SLC12A8: variants seen among roughly 807,000 people sequenced by gnomAD.
SLC12A8 encodes the protein cation-chloride cotransporter 9.
A neutral mutation model predicts 75.6 loss-of-function variants in SLC12A8; 69 were observed. The ratio of observed to expected loss-of-function variants is 0.91; its 90% CI spans 0.75 to 1.11. SLC12A8 has a LOEUF of 1.11. Among genes scored for constraint, SLC12A8 ranks in the 50% most tolerant of loss-of-function variants. SLC12A8 has a pLI of 0.00. For synonymous variants in SLC12A8, 365 were observed against 372.8 expected, an observed-to-expected ratio of 0.98 and a Z score of 0.24; for missense variants, 877 against 896.7, an observed-to-expected ratio of 0.98 and a Z score of 0.28.
At position 125,177,920 on chromosome 3, in the gene SLC12A8, G is replaced by A; in HGVS notation, c.445C>T (p.Leu149=). The change falls in exon 5 of 14, where the codon CTG becomes TTG. Residue 149 remains leucine (L), a synonymous_variant. Transcript: ENST00000469902. ...TGFAESISDL[L]GLGNIWAVRG... Reference sequence around the variant, plus strand: ...ACAGCCCAGATATTCCCGAGGCCCAGCAAATCCGAGATGGATTCAGCAAAG... The same window carrying A: ...ACAGCCCAGATATTCCCGAGGCCCAACAAATCCGAGATGGATTCAGCAAAG... The A allele has an allele frequency of 1.9e-6, 3 of 1,614,038 alleles. No homozygotes were observed. Among genetic ancestry groups the A allele is most frequent in the Non-Finnish European group, 2.5e-6 (3 of 1,179,980 alleles).
intron 5 of SLC12A8, among the ~76,000 whole-genome samples, chr3:125,161,687 A>AC (rs1934178414): frequency 6.6e-6 from 1 of 151,946 alleles, no homozygotes; most frequent in African/African-American, 2.4e-5. Context: ...TCTCAAAAAA[A>AC]AAAAAAAAAA....
chr3:125,181,394 G>A (rs1299588991), intron 4 of SLC12A8, among the ~76,000 whole-genome samples: 4 of 150,620 alleles, frequency 2.7e-5, no homozygotes, highest in East Asian at 3.9e-4. Flanking sequence ...GAGGTCAGGA[G>A]ATCGAGACCA....
At chr3:125,185,501 C>T (rs921579426) in intron 4 of SLC12A8, among the ~76,000 whole-genome samples, 4 of 151,718 alleles carry the variant, frequency 2.6e-5, no homozygotes, top group Non-Finnish European at 5.9e-5. Flanking sequence ...CAAAAAAAAC[C>T]CAGGACCAGA....
intron 5 of SLC12A8, among the ~76,000 whole-genome samples, chr3:125,139,739 C>T (rs1196716728): frequency 1.3e-5 from 2 of 152,218 alleles, no homozygotes. Context: ...GGGTCACACC[C>T]AGGGTAGGGC....
At chr3:125,097,669 T>G (rs1938752114) in intron 10 of SLC12A8, among the ~76,000 whole-genome samples, 1 of 151,910 alleles carries the variant, frequency 6.6e-6, no homozygotes, top group African/African-American at 2.4e-5. Context: ...AAGGGAAAAT[T>G]TATGCAAAGA....
chr3:125,148,517 G>A (rs374841106), intron 5 of SLC12A8, among the ~76,000 whole-genome samples: 52 of 152,028 alleles, frequency 3.4e-4, no homozygotes, highest in Admixed American at 5.9e-4. Flanking sequence ...GGGGTGGGGG[G>A]CCCACGTGGG....
intron 13 of SLC12A8, among the ~76,000 whole-genome samples, 171 bp from the exon 14 acceptor site, chr3:125,084,223 G>T (rs1938402000): frequency 6.8e-6 from 1 of 147,680 alleles, no homozygotes; most frequent in African/African-American, 2.6e-5. Context: ...CAAAGCATGA[G>T]AAATACAAAG....
intron 3 of SLC12A8, among the ~76,000 whole-genome samples, chr3:125,189,475 C>T (rs1455153784): frequency 1.3e-5 from 2 of 152,230 alleles, no homozygotes; most frequent in African/African-American, 2.4e-5. Context: ...TCAGTGACTG[C>T]AGCACTCATA....
intron 5 of SLC12A8, among the ~76,000 whole-genome samples, chr3:125,148,638 C>G (rs1933844793): frequency 6.6e-6 from 1 of 152,170 alleles, no homozygotes; most frequent in African/African-American, 2.4e-5. Context: ...ACTCCCACCC[C>G]CAACCCTCGG....
chr3:125,106,299 G>A (rs1437014724), intron 10 of SLC12A8, among the ~76,000 whole-genome samples: 1 of 151,926 alleles, frequency 6.6e-6, no homozygotes. Context: ...AAATTTAGAG[G>A]CAAAGAAGGA....
chr3:125,094,870 G>C (rs1419543631), intron 10 of SLC12A8, among the ~76,000 whole-genome samples: 2 of 152,118 alleles, frequency 1.3e-5, no homozygotes, highest in Admixed American at 1.3e-4. Flanking sequence ...TCAACTCCTA[G>C]CCCTCATCCC....
chr3:125,191,551 T>C (rs1040007771), intron 2 of SLC12A8, among the ~76,000 whole-genome samples: 13 of 152,204 alleles, frequency 8.5e-5, no homozygotes. Flanking sequence ...AATCTGGACC[T>C]GGTGAGCAAA....
chr3:125,083,992 C>A lies in SLC12A8; in HGVS notation c.2043G>T (p.Met681Ile), dbSNP rs2107727111. 6.2e-7 allele frequency: 1 copy of A among 1,613,566 alleles called. No individual in the cohort carries two copies. The highest frequency in any genetic ancestry group is 1.1e-5 in the South Asian group (1 of 90,902). The change falls in exon 14 of 14, where the codon ATG (methionine) becomes ATT (isoleucine). Residue 681 changes from methionine (M) to isoleucine (I), a missense_variant. Physicochemically the swap from Met to Ile is conservative, Grantham distance 10. Transcript: ENST00000469902. Reference protein sequence around the residue: ...ILAPSLAKVDMEMTQLTQENA... With the variant: ...ILAPSLAKVDIEMTQLTQENA... ...TCTCCTGGGTGAGCTGAGTCATCTCCATGTCAACCTTAGCCAGGGACGGCG... is the reference window on the plus strand; with the variant it reads ...TCTCCTGGGTGAGCTGAGTCATCTCAATGTCAACCTTAGCCAGGGACGGCG...
At position 125,091,510 on chromosome 3, in the gene SLC12A8, G is replaced by A. The variant is rs1459746575; in HGVS notation, c.1850C>T (p.Thr617Ile). 1 of 1,613,990 alleles carries A rather than the reference G, an allele frequency of 6.2e-7. No individual in the cohort carries two copies. The highest frequency in any genetic ancestry group is 2.2e-5 in the East Asian group (1 of 44,884). Residue 617 changes from threonine (T) to isoleucine (I), a missense_variant, in exon 12 of 14, where the codon ACC (threonine) becomes ATC (isoleucine). By Grantham distance (89) the Thr-to-Ile change is moderately conservative. Coordinates refer to ENST00000469902, the MANE Select transcript of SLC12A8 (RefSeq NM_024628.6). ...LIMFVIQWVYTLVNMGVAAIV... is the reference protein window; with the variant it reads ...LIMFVIQWVYILVNMGVAAIV... Reference sequence around the variant, plus strand: ...GGCAGCAACACCCATGTTAACCAGGGTATACACCCACTGTATCACAAACAT... The same window carrying A: ...GGCAGCAACACCCATGTTAACCAGGATATACACCCACTGTATCACAAACAT...
intron 5 of SLC12A8, among the ~76,000 whole-genome samples, chr3:125,156,905 A>G (rs994869802): frequency 1.1e-4 from 17 of 152,218 alleles, no homozygotes; most frequent in Non-Finnish European, 8.8e-5. Flanking sequence ...CTCAGCTTTT[A>G]TGATTTCCGT....
intron 5 of SLC12A8, among the ~76,000 whole-genome samples, chr3:125,169,605 C>A (rs1934365682): frequency 6.6e-6 from 1 of 152,106 alleles, no homozygotes; most frequent in Non-Finnish European, 1.5e-5. Context: ...TATGAGGCTG[C>A]CAGCCCCTTT....
At chr3:125,131,878 G>A (rs1168624477) in intron 6 of SLC12A8, among the ~76,000 whole-genome samples, 2 of 152,156 alleles carry the variant, frequency 1.3e-5, no homozygotes, top group African/African-American at 2.4e-5. Flanking sequence ...CTGGGGAAAT[G>A]AGGACCTGGA....
At chr3:125,166,514 C>A (rs748939937) in intron 5 of SLC12A8, among the ~76,000 whole-genome samples, 16 of 152,208 alleles carry the variant, frequency 1.1e-4, no homozygotes, top group Non-Finnish European at 1.8e-4. Flanking sequence ...CCAAGCCCCG[C>A]TGGGTGGCAG....
chr3:125,200,846 C>T (rs989019237), intron 2 of SLC12A8, among the ~76,000 whole-genome samples: 6 of 152,270 alleles, frequency 3.9e-5, no homozygotes, highest in African/African-American at 1.2e-4. Flanking sequence ...TCTATGAACA[C>T]GGAGACTCAT....
Sources: allele counts gnomAD v4.1 joint callset (sites outside exome capture counted in the v4.1 genomes callset), GRCh38; gene constraint gnomAD v4.1.1; transcripts MANE v1.5; gene names NCBI Gene and HGNC (gene_info 2026-07-23, HGNC 2026-07-21).